Variants in MPPED2 observed in about 807,000 individuals in gnomAD.
MPPED2 encodes the protein metallophosphoesterase domain containing 2.
MPPED2 carries 5 observed loss-of-function variants against 33.0 expected under a neutral mutation model. The observed-to-expected ratio is 0.15, with a 90% CI of 0.08 to 0.32. The LOEUF (loss-of-function observed/expected upper bound fraction) is 0.32, where lower values mean the gene tolerates loss of function less well. MPPED2 is among the 10% of genes least tolerant of loss of function. The pLI, the probability that MPPED2 is intolerant of heterozygous loss-of-function variation, is 1.00. For synonymous variants in MPPED2, 136 were observed against 141.9 expected, an observed-to-expected ratio of 0.96 and a Z score of 0.29; for missense variants, 275 against 372.1, an observed-to-expected ratio of 0.74 and a Z score of 2.15.
chr11:30,438,977 TA>T (rs148165418), intron 4 of MPPED2, among the ~76,000 whole-genome samples: 2 of 152,284 alleles, frequency 1.3e-5, no homozygotes, highest in African/African-American at 4.8e-5. Context: ...AAATAGTTGT[TA>T]AAGTACAAGA....
At chr11:30,482,575 T>A (rs1951537267) in intron 4 of MPPED2, among the ~76,000 whole-genome samples, 1 of 152,204 alleles carries the variant, frequency 6.6e-6, no homozygotes, top group South Asian at 2.1e-4. Flanking sequence ...CTTTCATTGT[T>A]TTTTCTACTG....
chr11:30,584,428 A>G (rs1957358053), intron 1 of MPPED2, among the ~76,000 whole-genome samples: 2 of 151,030 alleles, frequency 1.3e-5, no homozygotes. Flanking sequence ...CTTCCCGGCT[A>G]CAACTTCCCC....
intron 4 of MPPED2, among the ~76,000 whole-genome samples, chr11:30,436,541 C>T (rs1165369499): frequency 6.6e-6 from 1 of 152,216 alleles, no homozygotes; most frequent in Non-Finnish European, 1.5e-5. Flanking sequence ...TCAGCTTCCT[C>T]ATCTGTAAAA....
intron 4 of MPPED2, among the ~76,000 whole-genome samples, chr11:30,468,006 C>A (rs1156316399): frequency 1.9e-5 from 1 of 53,120 alleles, no homozygotes; most frequent in African/African-American, 2.3e-4. Flanking sequence ...CAGCTCTCCC[C>A]AGAGGCCCCC....
intron 1 of MPPED2, 107 bp downstream of exon 1, chr11:30,585,935 C>G (rs1957449087): frequency 6.6e-6 from 1 of 152,300 alleles, no homozygotes; most frequent in Admixed American, 6.5e-5. Context: ...CACCCGGGCT[C>G]CGCTTTGTGT....
At chr11:30,497,046 T>C (rs906101480) in intron 3 of MPPED2, among the ~76,000 whole-genome samples, 6 of 152,254 alleles carry the variant, frequency 3.9e-5, no homozygotes, top group East Asian at 3.9e-4. Context: ...CAAGCAGCAA[T>C]GGATATCTTT....
chr11:30,555,576 A>G (rs563752468), intron 2 of MPPED2, among the ~76,000 whole-genome samples: 1 of 152,218 alleles, frequency 6.6e-6, no homozygotes, highest in Admixed American at 6.5e-5. Context: ...TTCTCATGAT[A>G]GTGAATAAGT....
chr11:30,572,874 G>T (rs144936058), intron 2 of MPPED2, among the ~76,000 whole-genome samples: 102 of 152,190 alleles, frequency 6.7e-4, no homozygotes, highest in Non-Finnish European at 1.3e-3. Flanking sequence ...ATTTTACATG[G>T]ACAAATGTAA....
At chr11:30,395,641 C>T (rs568510907) in intron 6 of MPPED2, among the ~76,000 whole-genome samples, 3 of 152,260 alleles carry the variant, frequency 2.0e-5, no homozygotes, top group Non-Finnish European at 2.9e-5. Context: ...TCTGAACAGA[C>T]GGCTTAGTTT....
intron 4 of MPPED2, among the ~76,000 whole-genome samples, chr11:30,465,308 G>A (rs748491446): frequency 1.3e-5 from 2 of 152,080 alleles, no homozygotes; most frequent in Non-Finnish European, 2.9e-5. Flanking sequence ...TTTCTTTGGA[G>A]ATAGGGTCTC....
At chr11:30,568,860 G>A (rs1956566769) in intron 2 of MPPED2, among the ~76,000 whole-genome samples, 1 of 152,088 alleles carries the variant, frequency 6.6e-6, no homozygotes, top group African/African-American at 2.4e-5. Context: ...GGATCTCACT[G>A]AGCCCATCTG....
chr11:30,397,223 T>C (rs1398752652), intron 6 of MPPED2, among the ~76,000 whole-genome samples: 1 of 152,164 alleles, frequency 6.6e-6, no homozygotes, highest in African/African-American at 2.4e-5. Flanking sequence ...TCCTCTTCCT[T>C]TTCTACCTTC....
intron 2 of MPPED2, among the ~76,000 whole-genome samples, chr11:30,571,950 T>C (rs1049450786): frequency 1.3e-5 from 2 of 152,074 alleles, no homozygotes; most frequent in African/African-American, 4.8e-5. Flanking sequence ...ATGAAAGAAG[T>C]TTAGAAAACA....
chr11:30,467,853 G>A (rs1305061633), intron 4 of MPPED2, among the ~76,000 whole-genome samples: 2 of 152,148 alleles, frequency 1.3e-5, no homozygotes, highest in Non-Finnish European at 2.9e-5. Flanking sequence ...TGCAGCTGTG[G>A]AACTGTTGGG....
chr11:30,395,928 A>G (rs1353899080), intron 6 of MPPED2, among the ~76,000 whole-genome samples: 2 of 152,060 alleles, frequency 1.3e-5, no homozygotes, highest in African/African-American at 4.8e-5. Context: ...AACACTCTAC[A>G]CTGTAACCGC....
At chr11:30,498,610 A>G (rs1400189969) in intron 3 of MPPED2, among the ~76,000 whole-genome samples, 2 of 152,016 alleles carry the variant, frequency 1.3e-5, no homozygotes, top group Admixed American at 1.3e-4. Context: ...GGCATGGTCT[A>G]TGTTCTACTA....
Position 30,395,103 on chromosome 11 carries a change from T to C in MPPED2, c.767-6147A>G, listed in dbSNP as rs962737357. ...ACCATAGTATCTTGATTAATGTGTATTTATCATAATTGTTCAAGTAGCATG... is the reference window on the plus strand; with the variant it reads ...ACCATAGTATCTTGATTAATGTGTACTTATCATAATTGTTCAAGTAGCATG... On this transcript the variant is annotated intron_variant, in intron 6 of 6. Transcript: ENST00000448418. Among the ~76,000 whole-genome samples the C allele has an allele frequency of 3.3e-5, 5 of 152,326 alleles. No individual in the cohort carries two copies. In the South Asian group the frequency reaches 1.0e-3, roughly 32 times the overall value.
chr11:30,422,980 G>A (rs1948676851), intron 4 of MPPED2, among the ~76,000 whole-genome samples: 1 of 152,166 alleles, frequency 6.6e-6, no homozygotes. Context: ...GAAATTCCAG[G>A]GGCAGGGGCT....
At chr11:30,528,986 G>A (rs1954358468) in intron 3 of MPPED2, among the ~76,000 whole-genome samples, 1 of 152,090 alleles carries the variant, frequency 6.6e-6, no homozygotes, top group Admixed American at 6.5e-5. Flanking sequence ...TGTTTGCAAA[G>A]AGAGAGCAAG....
Sources: allele counts gnomAD v4.1 joint callset (sites outside exome capture counted in the v4.1 genomes callset), GRCh38; gene constraint gnomAD v4.1.1; transcripts MANE v1.5; gene names NCBI Gene and HGNC (gene_info 2026-07-23, HGNC 2026-07-21).